The following CAST variants were observed in gnomAD, a reference collection of about 807,000 sequenced individuals.
The protein encoded by CAST is MIR583 host.
Under a neutral mutation model 119.6 loss-of-function variants are expected in CAST, and 76 were observed. The observed-to-expected ratio is 0.64, with a 90% CI of 0.53 to 0.77. The LOEUF (loss-of-function observed/expected upper bound fraction) is 0.77. Among genes scored for constraint, CAST ranks in the 30% least tolerant of loss-of-function variants. The pLI, the probability that CAST is intolerant of heterozygous loss-of-function variation, is 0.00. For missense variants in CAST, 953 were observed against 946.5 expected (o/e 1.01, Z -0.09); for synonymous variants, 319 against 331.6 (o/e 0.96, Z 0.41).
chr5:96,584,326 C>T (rs1746817030), intron 1 of CAST, among the ~76,000 whole-genome samples: 1 of 152,186 alleles, frequency 6.6e-6, no homozygotes, highest in Non-Finnish European at 1.5e-5. Context: ...CACCACTCAC[C>T]TCCTGCTGCA....
chr5:96,178,844 A>G, the CAST span, among the ~76,000 whole-genome samples: 33 of 152,316 alleles, frequency 2.2e-4, no homozygotes, highest in African/African-American at 7.9e-4. Flanking sequence ...CTCAACTTGG[A>G]CATTTTACAG....
At chr5:96,472,691 T>TGGCTACCCCAGAG in the CAST span, among the ~76,000 whole-genome samples, 6 of 152,186 alleles carry the variant, frequency 3.9e-5, no homozygotes, top group Non-Finnish European at 7.3e-5. Context: ...CCCCATGTAA[T>TGGCTACCCCAGAG]GGCTTTAGGT....
chr5:96,523,539 G>A (rs1745551161), upstream of CAST, among the ~76,000 whole-genome samples: 1 of 152,226 alleles, frequency 6.6e-6, no homozygotes, highest in Admixed American at 6.5e-5. Flanking sequence ...TCCATGCCGG[G>A]AGGCTCCTCA....
chr5:96,695,803 C>T (rs573140467), intron 2 of CAST, 33 bp from the exon 3 acceptor site: 2 of 1,452,964 alleles, frequency 1.4e-6, no homozygotes, highest in Non-Finnish European at 1.9e-6. Context: ...AAGGTGTTTT[C>T]CCCCATTGAA....
chr5:95,998,074 T>G, the CAST span, among the ~76,000 whole-genome samples: 1 of 146,800 alleles, frequency 6.8e-6, no homozygotes, highest in African/African-American at 2.5e-5. Flanking sequence ...ACAATGAAGA[T>G]AAGGATCTTC....
At chr5:96,322,422 C>G in the CAST span, among the ~76,000 whole-genome samples, 8 of 152,144 alleles carry the variant, frequency 5.3e-5, no homozygotes, top group South Asian at 2.1e-4. Flanking sequence ...CCTCTCCAAC[C>G]GGGAGCCACA....
the CAST span, chr5:96,393,414 G>T: frequency 1.2e-6 from 2 of 1,612,126 alleles, no homozygotes; most frequent in East Asian, 2.2e-5. Context: ...AGGGAAGAAG[G>T]TTCATTATTT....
the CAST span, among the ~76,000 whole-genome samples, chr5:96,167,070 G>A: frequency 6.6e-6 from 1 of 152,142 alleles, no homozygotes; most frequent in South Asian, 2.1e-4. Context: ...CCTGGATACG[G>A]TTTTGTATGA....
At chr5:96,278,825 C>T in the CAST span, 8 of 152,226 alleles carry the variant, frequency 5.3e-5, no homozygotes, top group Non-Finnish European at 1.2e-4. Flanking sequence ...ATGCCACACA[C>T]ATGCAGTTAC....
At chr5:96,762,024 T>A (rs910034368) in intron 24 of CAST, 14 of 304,108 alleles carry the variant, frequency 4.6e-5, no homozygotes, top group South Asian at 1.2e-4. Flanking sequence ...CGTGGAACTC[T>A]AAGTTATATT....
the CAST span, among the ~76,000 whole-genome samples, chr5:96,051,236 A>G: frequency 6.6e-6 from 1 of 152,090 alleles, no homozygotes; most frequent in South Asian, 2.1e-4. Context: ...GAGAGAGAGA[A>G]AATCAAGAAG....
chr5:96,065,180 G>T, the CAST span, among the ~76,000 whole-genome samples: 3 of 151,650 alleles, frequency 2.0e-5, no homozygotes, highest in Non-Finnish European at 2.9e-5. Context: ...ACATATATAA[G>T]TCTTTGGCTT....
chr5:96,502,048 C>T, the CAST span, among the ~76,000 whole-genome samples: 1 of 151,452 alleles, frequency 6.6e-6, no homozygotes, highest in African/African-American at 2.4e-5. Flanking sequence ...ATTTTTCTCA[C>T]ATAAAAAATA....
the CAST span, among the ~76,000 whole-genome samples, chr5:96,254,909 C>T: frequency 1.3e-5 from 2 of 152,072 alleles, no homozygotes; most frequent in African/African-American, 4.8e-5. Context: ...GTATTACAGC[C>T]TATTCTCACT....
chr5:96,255,111 G>T, the CAST span, among the ~76,000 whole-genome samples: 1 of 152,128 alleles, frequency 6.6e-6, no homozygotes, highest in African/African-American at 2.4e-5. Context: ...TGGAGCGGAT[G>T]GGGGTTGGCA....
the CAST span, among the ~76,000 whole-genome samples, chr5:95,993,983 C>G: frequency 1.3e-5 from 2 of 151,846 alleles, no homozygotes; most frequent in African/African-American, 4.8e-5. Flanking sequence ...CCACTACAAA[C>G]TCACTAGAAT....
At chr5:96,557,844 A>T (rs1316897449) in intron 1 of CAST, among the ~76,000 whole-genome samples, 1 of 152,240 alleles carries the variant, frequency 6.6e-6, no homozygotes, top group East Asian at 1.9e-4. Flanking sequence ...TCAGCTCTGC[A>T]CCAAGCAGAC....
chr5:96,666,608 C>T (rs1056197239), intron 1 of CAST, among the ~76,000 whole-genome samples: 4 of 152,202 alleles, frequency 2.6e-5, no homozygotes, highest in African/African-American at 9.7e-5. Context: ...GCAAAAAGGG[C>T]ATAGACTTTA....
the CAST span, among the ~76,000 whole-genome samples, chr5:96,130,688 C>T: frequency 0.018 from 2,703 of 151,678 alleles, 65 homozygotes; most frequent in African/African-American, 0.061. Flanking sequence ...TATTACAAAT[C>T]GAAAAGAGAA....
Sources: allele counts gnomAD v4.1 joint callset (sites outside exome capture counted in the v4.1 genomes callset), GRCh38; gene constraint gnomAD v4.1.1; transcripts MANE v1.5; gene names NCBI Gene and HGNC (gene_info 2026-07-23, HGNC 2026-07-21).